Variants in NUP93 observed in about 807,000 individuals in gnomAD.
NUP93 encodes the protein nuclear pore complex protein Nup93.
NUP93 carries 55 observed loss-of-function variants against 107.8 expected under a neutral mutation model. That is an observed-to-expected ratio of 0.51 (90% CI 0.41 to 0.64). The LOEUF (loss-of-function observed/expected upper bound fraction) is 0.64, where lower values mean the gene tolerates loss of function less well. NUP93 is among the 30% of genes least tolerant of loss of function. The pLI is 0.00. For missense variants in NUP93, 937 were observed against 1,044.7 expected (o/e 0.90, Z 1.42); for synonymous variants, 390 against 397.5 (o/e 0.98, Z 0.22).
intron 3 of NUP93, chr16:56,782,290 G>C: frequency 1.2e-6 from 1 of 844,326 alleles, no homozygotes; most frequent in Non-Finnish European, 1.4e-6. Context: ...TGTTGTTGCA[G>C]TGCCTCTGAA....
chr16:56,831,795 A>T, intron 10 of NUP93, 47 bp from the exon 11 acceptor site: 1 of 1,583,706 alleles, frequency 6.3e-7, no homozygotes, highest in Admixed American at 1.8e-5. Context: ...GCCCTTGAGG[A>T]TTTTTATTGA....
intron 4 of NUP93, 38 bp from the exon 5 acceptor site, chr16:56,805,466 T>G: frequency 6.2e-7 from 1 of 1,606,674 alleles, no homozygotes; most frequent in Non-Finnish European, 8.5e-7. Flanking sequence ...TTTTTGTTTT[T>G]TTCCTGAGGG....
chr16:56,792,199 CA>C (rs758413690), intron 3 of NUP93, among the ~76,000 whole-genome samples: 7 of 151,626 alleles, frequency 4.6e-5, no homozygotes, highest in Non-Finnish European at 1.0e-4. Context: ...AAAAAACAAA[CA>C]AAAAAACAAA....
chr16:56,751,374 C>G (rs1433687586), intron 2 of NUP93, among the ~76,000 whole-genome samples: 1 of 152,188 alleles, frequency 6.6e-6, no homozygotes, highest in Non-Finnish European at 1.5e-5. Context: ...TAAGCTCTTA[C>G]TGTTTGTTAG....
In NUP93 at chr16:56,839,612, CCTT is replaced by C. The variant is rs778959905; in HGVS notation, c.2220+13_2220+15del. 1 of 1,604,150 alleles carries C rather than the reference CCTT, an allele frequency of 6.2e-7. No homozygotes were observed. Among genetic ancestry groups the C allele is most frequent in the African/African-American group, 1.3e-5 (1 of 74,644 alleles). On this transcript the variant is annotated intron_variant, in intron 20 of 21. Coordinates refer to ENST00000308159, the MANE Select transcript of NUP93 (RefSeq NM_014669.5). ...AGAAATTTCAGTGATGAAGTAAGTT[CCTT>C]CTTCCTGAGTTGTGGAATTCCTTTT... is the stretch of plus-strand genomic sequence containing the variant.
At chr16:56,782,126 A>G in intron 3 of NUP93, 1 of 985,434 alleles carries the variant, frequency 1.0e-6, no homozygotes, top group Non-Finnish European at 1.2e-6. Flanking sequence ...TGGTTCCGAC[A>G]GAGCTCATCT....
intron 5 of NUP93, among the ~76,000 whole-genome samples, chr16:56,811,717 C>G (rs1478499519): frequency 6.6e-6 from 1 of 152,100 alleles, no homozygotes; most frequent in Non-Finnish European, 1.5e-5. Context: ...GTGATCTGCC[C>G]TCCTCTGTTT....
chr16:56,742,100 G>C (rs909709013), intron 1 of NUP93, among the ~76,000 whole-genome samples: 4 of 152,220 alleles, frequency 2.6e-5, no homozygotes, highest in African/African-American at 9.6e-5. Context: ...TACTTACAAA[G>C]AGCAGTGGAT....
intron 5 of NUP93, among the ~76,000 whole-genome samples, chr16:56,806,996 C>G (rs748718354): frequency 1.3e-5 from 2 of 152,212 alleles, no homozygotes; most frequent in Non-Finnish European, 2.9e-5. Context: ...GATTGTGTCA[C>G]TTCTCTGCTC....
chr16:56,834,926 G>A (rs998672728), intron 16 of NUP93, 148 bp downstream of exon 16: 1 of 614,694 alleles, frequency 1.6e-6, no homozygotes, highest in African/African-American at 1.8e-5. Flanking sequence ...TGAAAATTAT[G>A]GGCCCAAATG....
chr16:56,733,962 A>G (rs1352968591), intron 1 of NUP93, among the ~76,000 whole-genome samples: 3 of 152,240 alleles, frequency 2.0e-5, no homozygotes, highest in Admixed American at 1.3e-4. Context: ...TAGGTACACC[A>G]AAGTTATAGT....
intron 5 of NUP93, among the ~76,000 whole-genome samples, chr16:56,808,815 TAAATAC>T: frequency 1.4e-5 from 2 of 145,826 alleles, no homozygotes; most frequent in African/African-American, 5.0e-5. Context: ...TATATAAATA[TAAATAC>T]ATATATAAAT....
chr16:56,823,869 G>A (rs1567406326), intron 8 of NUP93, 23 bp downstream of exon 8: 3 of 1,608,066 alleles, frequency 1.9e-6, no homozygotes, highest in South Asian at 2.2e-5. Context: ...TAGCACAGTG[G>A]GGCTGGCTTT....
At chr16:56,808,074 A>T (rs1177583235) in intron 5 of NUP93, among the ~76,000 whole-genome samples, 5 of 140,994 alleles carry the variant, frequency 3.5e-5, no homozygotes, top group East Asian at 2.0e-4. Flanking sequence ...AATATATATA[A>T]ATATAAAAAT....
chr16:56,768,686 G>A (rs1306095016), intron 3 of NUP93, among the ~76,000 whole-genome samples: 7 of 150,670 alleles, frequency 4.6e-5, no homozygotes, highest in East Asian at 3.9e-4. Flanking sequence ...CTAACACGGT[G>A]AAACCCTGTC....
intron 3 of NUP93, chr16:56,783,675 T>C: frequency 1.0e-6 from 1 of 985,454 alleles, no homozygotes; most frequent in Non-Finnish European, 1.2e-6. Flanking sequence ...GCCACCATTT[T>C]TAACAATTAG....
At chr16:56,842,388 T>C (rs1964042860) in intron 21 of NUP93, among the ~76,000 whole-genome samples, 1 of 152,178 alleles carries the variant, frequency 6.6e-6, no homozygotes, top group Admixed American at 6.5e-5. Context: ...CTCTGACACC[T>C]GTGCCCTTTC....
chr16:56,831,837 T>G lies in NUP93; in HGVS notation c.1086-5T>G. ...ATCTATCTGTCTGTTCCCTTATGTC[T>G]GTAGATTGTCCCCAGCTACGGAAAA... On this transcript the variant is annotated splice_polypyrimidine_tract_variant and splice_region_variant and intron_variant, in intron 10 of 21. Transcript: ENST00000308159. The G allele has an allele frequency of 6.2e-7, 1 of 1,613,678 alleles. No individual in the cohort carries two copies. The highest frequency in any genetic ancestry group is 1.3e-5 in the African/African-American group (1 of 75,004).
Position 56,778,199 on chromosome 16 carries a change from A to G in NUP93, c.297+19544A>G, listed in dbSNP as rs77947850. Among the ~76,000 whole-genome samples the G allele has an allele frequency of 1.8e-4, 27 of 152,328 alleles. No homozygotes were observed. In the East Asian group the frequency reaches 5.2e-3, roughly 29 times the overall value. ...CGAATGAATTCTGGGGTAGTTGGGA[A>G]AGACTCCCTGGAGCAGATGGGCCTT... On this transcript the variant is annotated intron_variant, in intron 3 of 21. Coordinates refer to ENST00000308159, the MANE Select transcript of NUP93 (RefSeq NM_014669.5).
Sources: allele counts gnomAD v4.1 joint callset (sites outside exome capture counted in the v4.1 genomes callset), GRCh38; gene constraint gnomAD v4.1.1; transcripts MANE v1.5; gene names NCBI Gene and HGNC (gene_info 2026-07-23, HGNC 2026-07-21).